The following MDFIC2 variants were observed in gnomAD, a reference collection of about 807,000 sequenced individuals.
MDFIC2 encodes the protein myoD family inhibitor domain-containing protein 2.
chr3:70,270,815 A>G (rs1200344817), intron 2 of MDFIC2, among the ~76,000 whole-genome samples: 4 of 152,146 alleles, frequency 2.6e-5, no homozygotes, highest in Admixed American at 1.3e-4. Flanking sequence ...GTTATCACTC[A>G]TAAGTGGGAG....
intron 2 of MDFIC2, among the ~76,000 whole-genome samples, chr3:70,251,224 C>G (rs983676960): frequency 5.3e-5 from 8 of 152,180 alleles, no homozygotes; most frequent in African/African-American, 9.6e-5. Flanking sequence ...ATTACTGTCT[C>G]AGAATTTTGA....
intron 2 of MDFIC2, among the ~76,000 whole-genome samples, chr3:70,300,067 C>A (rs1369323204): frequency 6.6e-6 from 1 of 152,046 alleles, no homozygotes; most frequent in African/African-American, 2.4e-5. Flanking sequence ...TGATTTATAG[C>A]CCAGCCAAAT....
chr3:70,299,321 GT>G (rs11321493), intron 2 of MDFIC2, among the ~76,000 whole-genome samples: 31,544 of 151,864 alleles, frequency 0.21, 3,462 homozygotes, highest in South Asian at 0.28. Flanking sequence ...AAATTTGTGC[GT>G]TATTTGTATA....
intron 2 of MDFIC2, among the ~76,000 whole-genome samples, chr3:70,308,131 A>C (rs1702420244): frequency 6.6e-6 from 1 of 152,176 alleles, no homozygotes; most frequent in South Asian, 2.1e-4. Flanking sequence ...AGCTCACTGC[A>C]GCCTCAACCT....
chr3:70,310,045 A>C (rs1379616236), intron 2 of MDFIC2, among the ~76,000 whole-genome samples: 1 of 152,194 alleles, frequency 6.6e-6, no homozygotes, highest in Non-Finnish European at 1.5e-5. Flanking sequence ...GTGGTGAAGA[A>C]CATCTCTATC....
intron 3 of MDFIC2, 103 bp from the exon 4 acceptor site, chr3:70,197,288 A>G: frequency 2.5e-6 from 1 of 397,380 alleles, no homozygotes; most frequent in Non-Finnish European, 4.4e-6. Context: ...CCAACTCTTA[A>G]TTATTTATCC....
chr3:70,212,231 C>T (rs1391075171), intron 2 of MDFIC2, among the ~76,000 whole-genome samples: 2 of 152,152 alleles, frequency 1.3e-5, no homozygotes, highest in Admixed American at 6.6e-5. Context: ...TTTCAGTCCT[C>T]AAGAAGCTCA....
chr3:70,198,057 A>G (rs1701198383), intron 3 of MDFIC2, among the ~76,000 whole-genome samples: 1 of 152,162 alleles, frequency 6.6e-6, no homozygotes, highest in Non-Finnish European at 1.5e-5. Flanking sequence ...TAAAATTTTA[A>G]CTTTTCTTTC....
intron 2 of MDFIC2, among the ~76,000 whole-genome samples, chr3:70,285,985 A>T (rs1702158088): frequency 6.6e-6 from 1 of 151,368 alleles, no homozygotes; most frequent in Non-Finnish European, 1.5e-5. Context: ...TAGGTTGTGA[A>T]AATTTTCTCC....
chr3:70,309,639 C>CT (rs1329027592), intron 2 of MDFIC2, among the ~76,000 whole-genome samples: 1 of 152,024 alleles, frequency 6.6e-6, no homozygotes, highest in Non-Finnish European at 1.5e-5. Context: ...ACCACTTTGA[C>CT]TTTTTTAAAT....
At chr3:70,266,292 A>AT (rs150465046) in intron 2 of MDFIC2, among the ~76,000 whole-genome samples, 5,767 of 152,218 alleles carry the variant, frequency 0.038, 342 homozygotes, top group African/African-American at 0.13. Flanking sequence ...CTAATGTCAA[A>AT]TTTTTAATTC....
intron 2 of MDFIC2, among the ~76,000 whole-genome samples, chr3:70,228,648 G>A (rs114232292): frequency 0.027 from 3,886 of 145,888 alleles, 76 homozygotes; most frequent in Middle Eastern, 0.047. Flanking sequence ...TTTTTTTTTA[G>A]TGTGGGGCTA....
At position 70,221,258 on chromosome 3, in the gene MDFIC2, A is replaced by G. The variant is rs1388772987; in HGVS notation, c.89-14468T>C. Among the ~76,000 whole-genome samples the G allele has an allele frequency of 2.6e-5, 4 of 152,298 alleles. No individual in the cohort carries two copies. In the East Asian group the frequency reaches 7.7e-4, roughly 29 times the overall value. ...AATAATAAAAATAATGATAGCTAACATTCACTTCACACTATGAGAAGCTTT... is the reference window on the plus strand; with the variant it reads ...AATAATAAAAATAATGATAGCTAACGTTCACTTCACACTATGAGAAGCTTT... On this transcript the variant is annotated intron_variant, in intron 2 of 3. Coordinates refer to ENST00000567252, the MANE Select transcript of MDFIC2 (RefSeq NM_001364677.1).
intron 3 of MDFIC2, chr3:70,205,198 A>T (rs1701278897): frequency 6.6e-6 from 1 of 152,086 alleles, no homozygotes. Context: ...ATTTTCTTGG[A>T]AAACTTCAAT....
chr3:70,310,736 T>C (rs1702446864), intron 2 of MDFIC2, among the ~76,000 whole-genome samples: 1 of 152,090 alleles, frequency 6.6e-6, no homozygotes. Context: ...GAGGGTATGA[T>C]GAAGTTGGAG....
intron 2 of MDFIC2, among the ~76,000 whole-genome samples, chr3:70,246,281 C>A (rs1165334419): frequency 6.6e-6 from 1 of 152,092 alleles, no homozygotes. Context: ...ATAAAGGTCA[C>A]ACTTTGTTAC....
chr3:70,242,202 C>T (rs1701671763), intron 2 of MDFIC2, among the ~76,000 whole-genome samples: 1 of 152,112 alleles, frequency 6.6e-6, no homozygotes, highest in African/African-American at 2.4e-5. Context: ...AGTATCTTTC[C>T]AACCTTTTTT....
chr3:70,236,574 G>C (rs925817957), intron 2 of MDFIC2, among the ~76,000 whole-genome samples: 4 of 152,092 alleles, frequency 2.6e-5, no homozygotes, highest in African/African-American at 9.7e-5. Flanking sequence ...TTTGGGGCCT[G>C]TAAATTGACC....
At chr3:70,220,169 G>A (rs1390627875) in intron 2 of MDFIC2, among the ~76,000 whole-genome samples, 1 of 152,026 alleles carries the variant, frequency 6.6e-6, no homozygotes, top group African/African-American at 2.4e-5. Flanking sequence ...AAAATTTTGA[G>A]AGAATAAGGT....
Sources: gnomAD v4.1 joint callset for allele counts (sites outside exome capture counted in the v4.1 genomes callset) on GRCh38, gnomAD v4.1.1 for gene constraint, MANE v1.5 for transcripts, NCBI Gene and HGNC (gene_info 2026-07-23, HGNC 2026-07-21) for gene names.